The following ANO4 variants were observed in gnomAD, a reference collection of about 807,000 sequenced individuals.
The protein encoded by ANO4 is anoctamin-4.
ANO4 carries 69 observed loss-of-function variants against 141.9 expected under a neutral mutation model. That is an observed-to-expected ratio of 0.49 (90% CI 0.40 to 0.59). The LOEUF (loss-of-function observed/expected upper bound fraction) is 0.59, where lower values mean the gene tolerates loss of function less well. ANO4 is among the 20% of genes least tolerant of loss of function. The pLI, the probability that ANO4 is intolerant of heterozygous loss-of-function variation, is 0.00. For synonymous variants in ANO4, 350 were observed against 394.3 expected, an observed-to-expected ratio of 0.89 and a Z score of 1.33; for missense variants, 894 against 1,162.2, an observed-to-expected ratio of 0.77 and a Z score of 3.36.
At chr12:100,911,245 C>A (rs2041087595) in intron 2 of ANO4, among the ~76,000 whole-genome samples, 1 of 152,138 alleles carries the variant, frequency 6.6e-6, no homozygotes, top group South Asian at 2.1e-4. Context: ...AGGGTAAGTA[C>A]CTTGCCTAAG....
intron 3 of ANO4, among the ~76,000 whole-genome samples, chr12:100,937,478 G>C (rs956552525): frequency 6.6e-6 from 1 of 152,152 alleles, no homozygotes; most frequent in Non-Finnish European, 1.5e-5. Flanking sequence ...GGACATATTA[G>C]TCTTCCTCAA....
At chr12:100,807,248 G>A (rs896795210) in intron 1 of ANO4, among the ~76,000 whole-genome samples, 10 of 152,118 alleles carry the variant, frequency 6.6e-5, no homozygotes, top group Non-Finnish European at 1.5e-4. Context: ...TTTTACTTGG[G>A]CCAAGGCAGG....
In ANO4 at chr12:100,806,523, CG is replaced by C. The variant is rs1565891157; in HGVS notation, c.-141+11497del. On this transcript the variant is annotated intron_variant, in intron 1 of 27. Transcript: ENST00000392977. ...TTTTTAGGAGGTTTTTTTTTTGTTTCGTTTTTTTTTTTTTTTTTTTTTTTTT... is the reference window on the plus strand; with the variant it reads ...TTTTTAGGAGGTTTTTTTTTTGTTTCTTTTTTTTTTTTTTTTTTTTTTTTT... Among the ~76,000 whole-genome samples the C allele has an allele frequency of 8.3e-3, 374 of 44,972 alleles. 103 individuals carry two copies. Among genetic ancestry groups the C allele is most frequent in the South Asian group, 0.013 (14 of 1,050 alleles). 29.5% of individuals were successfully genotyped at this position (44,972 alleles called of 152,430 possible). A position where few individuals can be genotyped will look rare whatever the true frequency, so the allele number is the denominator to read the frequency against.
At chr12:101,019,407 T>G (rs146911976) in intron 8 of ANO4, among the ~76,000 whole-genome samples, 21 of 151,992 alleles carry the variant, frequency 1.4e-4, no homozygotes, top group African/African-American at 4.8e-4. Flanking sequence ...CACACATACC[T>G]GCACATGCAC....
At chr12:100,723,946 A>G (rs2030982077) in intron 1 of ANO4, among the ~76,000 whole-genome samples, 1 of 152,204 alleles carries the variant, frequency 6.6e-6, no homozygotes, top group Non-Finnish European at 1.5e-5. Flanking sequence ...AGAACAAACA[A>G]TTTAAAATAG....
intron 8 of ANO4, among the ~76,000 whole-genome samples, chr12:100,999,561 G>A (rs1009062175): frequency 5.3e-5 from 8 of 152,148 alleles, no homozygotes; most frequent in African/African-American, 1.9e-4. Flanking sequence ...TTCTGAGGAT[G>A]AGGATGTGGA....
chr12:100,813,460 T>C (rs1565898391), intron 1 of ANO4, among the ~76,000 whole-genome samples: 1 of 152,190 alleles, frequency 6.6e-6, no homozygotes, highest in African/African-American at 2.4e-5. Context: ...TTTTTCCATT[T>C]TAGCAAAGCA....
intron 3 of ANO4, among the ~76,000 whole-genome samples, chr12:100,769,957 A>G (rs1041542883): frequency 3.9e-5 from 6 of 152,224 alleles, no homozygotes; most frequent in Non-Finnish European, 7.3e-5. Context: ...CAAATTTTCT[A>G]AAGTTTTAGG....
chr12:100,808,846 T>G (rs923077933), intron 1 of ANO4, among the ~76,000 whole-genome samples: 1 of 152,186 alleles, frequency 6.6e-6, no homozygotes, highest in African/African-American at 2.4e-5. Flanking sequence ...GTATTTGTTT[T>G]AAATTTGCAA....
At chr12:100,948,571 C>T (rs2042838009) in intron 5 of ANO4, among the ~76,000 whole-genome samples, 1 of 151,910 alleles carries the variant, frequency 6.6e-6, no homozygotes, top group African/African-American at 2.4e-5. Context: ...CCCTTTATGA[C>T]TGATATAAAA....
At chr12:100,803,095 A>G (rs1233090085) in intron 1 of ANO4, among the ~76,000 whole-genome samples, 1 of 152,204 alleles carries the variant, frequency 6.6e-6, no homozygotes, top group Non-Finnish European at 1.5e-5. Flanking sequence ...TATTTTTCTC[A>G]AGACTAAAGT....
intron 3 of ANO4, among the ~76,000 whole-genome samples, chr12:100,746,098 A>G (rs2032090901): frequency 6.6e-6 from 1 of 152,198 alleles, no homozygotes. Context: ...TTGGAAAAAG[A>G]CTGGGAAAAA....
chr12:100,907,922 T>C (rs2040919455), intron 2 of ANO4, among the ~76,000 whole-genome samples: 1 of 152,052 alleles, frequency 6.6e-6, no homozygotes, highest in South Asian at 2.1e-4. Context: ...GTCTGTCCTT[T>C]CCTTTAATTG....
At chr12:100,766,631 T>A (rs1255614280) in intron 3 of ANO4, among the ~76,000 whole-genome samples, 1 of 152,156 alleles carries the variant, frequency 6.6e-6, no homozygotes. Flanking sequence ...TATTTTTAAA[T>A]TTTTTAAGAC....
intron 22 of ANO4, among the ~76,000 whole-genome samples, chr12:101,109,663 CTG>C (rs2050588027): frequency 6.6e-6 from 1 of 152,198 alleles, no homozygotes; most frequent in African/African-American, 2.4e-5. Flanking sequence ...AGGAGATACT[CTG>C]AGAATCTACA....
At chr12:100,795,661 C>T (rs1189148508) in intron 1 of ANO4, among the ~76,000 whole-genome samples, 1 of 152,158 alleles carries the variant, frequency 6.6e-6, no homozygotes, top group Non-Finnish European at 1.5e-5. Flanking sequence ...TCTCAGGGTA[C>T]CCAGTTCTGC....
At chr12:101,022,041 CAA>C (rs34942464) in intron 9 of ANO4, among the ~76,000 whole-genome samples, 7,235 of 75,952 alleles carry the variant, frequency 0.095, 212 homozygotes, top group Middle Eastern at 0.18. Flanking sequence ...ATGACTCTGC[CAA>C]AAAAAAAAAA....
chr12:100,923,024 A>G (rs2041696969), intron 3 of ANO4, among the ~76,000 whole-genome samples: 1 of 152,098 alleles, frequency 6.6e-6, no homozygotes, highest in Admixed American at 6.6e-5. Context: ...GCTCCTCTTA[A>G]TATCGAATAA....
At chr12:100,731,671 C>G (rs2031386414) in intron 1 of ANO4, among the ~76,000 whole-genome samples, 1 of 152,176 alleles carries the variant, frequency 6.6e-6, no homozygotes, top group African/African-American at 2.4e-5. Context: ...CACTCTGACC[C>G]CTGGCAACCA....
Sources: allele counts gnomAD v4.1 joint callset (sites outside exome capture counted in the v4.1 genomes callset), GRCh38; gene constraint gnomAD v4.1.1; transcripts MANE v1.5; gene names NCBI Gene and HGNC (gene_info 2026-07-23, HGNC 2026-07-21).